The following GLIS3 variants were observed in gnomAD, a reference collection of about 807,000 sequenced individuals.
GLIS3 encodes the protein zinc finger protein GLIS3.
GLIS3 carries 53 observed loss-of-function variants against 78.6 expected under a neutral mutation model. The ratio of observed to expected loss-of-function variants is 0.67; its 90% CI spans 0.54 to 0.85. The LOEUF is 0.85. Ranked by LOEUF, GLIS3 falls within the 40% of genes least tolerant of loss-of-function variation. GLIS3 has a pLI of 0.00. For missense variants in GLIS3, 1,703 were observed against 1,231.1 expected (o/e 1.38, Z -5.74); for synonymous variants, 684 against 509.9 (o/e 1.34, Z -4.60).
At chr9:4,401,336 A>G in the GLIS3 span, among the ~76,000 whole-genome samples, 1 of 144,630 alleles carries the variant, frequency 6.9e-6, no homozygotes, top group African/African-American at 2.6e-5. Context: ...CTCAGCTCAC[A>G]GCAACCTCTG....
At chr9:3,842,448 G>A (rs966297009) in intron 9 of GLIS3, among the ~76,000 whole-genome samples, 1 of 152,170 alleles carries the variant, frequency 6.6e-6, no homozygotes, top group Admixed American at 6.5e-5. Context: ...GTCTAGCCTG[G>A]GGGTCAAAGC....
chr9:3,843,346 G>C (rs1818838077), intron 9 of GLIS3, among the ~76,000 whole-genome samples: 1 of 152,140 alleles, frequency 6.6e-6, no homozygotes, highest in East Asian at 1.9e-4. Flanking sequence ...TCATAGCTGA[G>C]TCTCTATTAT....
At position 4,239,555 on chromosome 9, in the gene GLIS3, TGGTATCAA is replaced by T. The variant is rs1823102004; in HGVS notation, c.388+46475_388+46482del. Among the ~76,000 whole-genome samples the T allele has an allele frequency of 2.0e-5, 3 of 152,312 alleles. No homozygotes were observed. The South Asian group carries it at 6.2e-4, about 32-fold the overall frequency. On this transcript the variant is annotated intron_variant, in intron 2 of 10. Transcript: ENST00000381971. ...CCCAACACATCAGTCATTGAGATCT[TGGTATCAA>T]GGTTGAGAACCACCATACTGATGTG...
intron 4 of GLIS3, among the ~76,000 whole-genome samples, chr9:4,074,903 T>C (rs1196694509): frequency 1.3e-5 from 2 of 152,188 alleles, no homozygotes; most frequent in African/African-American, 4.8e-5. Flanking sequence ...ACCATGATCT[T>C]CTTTCTTCTC....
At chr9:4,050,052 G>T (rs932566653) in intron 4 of GLIS3, among the ~76,000 whole-genome samples, 20 of 152,226 alleles carry the variant, frequency 1.3e-4, no homozygotes, top group Middle Eastern at 6.8e-3. Context: ...ATTCCTCAGG[G>T]ATCTAGAACT....
intron 6 of GLIS3, among the ~76,000 whole-genome samples, chr9:3,924,399 G>A (rs1170376232): frequency 6.6e-6 from 1 of 152,182 alleles, no homozygotes; most frequent in Non-Finnish European, 1.5e-5. Flanking sequence ...GGAAAAACCA[G>A]GGGAATGTAA....
At chr9:4,038,996 G>A (rs768784502) in intron 4 of GLIS3, among the ~76,000 whole-genome samples, 25 of 152,162 alleles carry the variant, frequency 1.6e-4, no homozygotes, top group Non-Finnish European at 2.4e-4. Context: ...GGGTAAAGCT[G>A]AGCAGCTTGC....
chr9:4,272,488 C>G (rs945395852), intron 2 of GLIS3, among the ~76,000 whole-genome samples: 2 of 152,130 alleles, frequency 1.3e-5, no homozygotes, highest in African/African-American at 4.8e-5. Flanking sequence ...GCCGGGTGTG[C>G]TTGGGCAAGT....
chr9:3,992,562 A>C (rs1382935625), intron 4 of GLIS3, among the ~76,000 whole-genome samples: 1 of 152,224 alleles, frequency 6.6e-6, no homozygotes, highest in Non-Finnish European at 1.5e-5. Context: ...TTATTCCCAG[A>C]AACTCAATAT....
intron 4 of GLIS3, among the ~76,000 whole-genome samples, chr9:4,066,480 C>T (rs1410988875): frequency 1.3e-5 from 2 of 152,196 alleles, no homozygotes; most frequent in African/African-American, 4.8e-5. Flanking sequence ...GAGAAGCTCC[C>T]TGCCACTGCT....
intron 2 of GLIS3, among the ~76,000 whole-genome samples, chr9:4,169,341 C>T (rs766658744): frequency 9.9e-5 from 15 of 152,164 alleles, no homozygotes; most frequent in Non-Finnish European, 1.5e-4. Flanking sequence ...AAGAAGTATA[C>T]GAAGGCTTTC....
chr9:4,333,228 A>G (rs1427341079), intron 2 of GLIS3, among the ~76,000 whole-genome samples: 1 of 150,178 alleles, frequency 6.7e-6, no homozygotes, highest in African/African-American at 2.5e-5. Context: ...AGGGAAGGGA[A>G]GGAAAAGTGG....
At chr9:4,431,998 T>C in the GLIS3 span, among the ~76,000 whole-genome samples, 4 of 152,198 alleles carry the variant, frequency 2.6e-5, no homozygotes, top group Non-Finnish European at 5.9e-5. Flanking sequence ...AGTAAAACTT[T>C]TTTTACAAAA....
At position 3,826,266 on chromosome 9, in the gene GLIS3, T is replaced by G. The variant is rs185501078; in HGVS notation, c.*2006A>C. 157 of 152,350 alleles carry G rather than the reference T, an allele frequency of 1.0e-3. 1 individual carries two copies. Among genetic ancestry groups the G allele is most frequent in the African/African-American group, 3.7e-3 (155 of 41,572 alleles). 9.4% of individuals were successfully genotyped at this position (152,350 alleles called of 1,614,324 possible). A position where few individuals can be genotyped will look rare whatever the true frequency, so the allele number is the denominator to read the frequency against. On this transcript the variant is annotated 3_prime_UTR_variant, in exon 11 of 11. Transcript: ENST00000381971. ...TATGAATAGATGGTTTCTCTGAAGATAGCAGAGTTTTTTTCTTTCCAGAGT... is the reference window on the plus strand; with the variant it reads ...TATGAATAGATGGTTTCTCTGAAGAGAGCAGAGTTTTTTTCTTTCCAGAGT...
At chr9:3,853,567 C>CT (rs1234122967) in intron 9 of GLIS3, among the ~76,000 whole-genome samples, 3 of 152,182 alleles carry the variant, frequency 2.0e-5, no homozygotes, top group African/African-American at 7.2e-5. Flanking sequence ...GTGCCAGGTG[C>CT]TTTTTTTGTC....
chr9:4,079,324 A>T (rs573479916), intron 4 of GLIS3, among the ~76,000 whole-genome samples: 25 of 152,342 alleles, frequency 1.6e-4, no homozygotes, highest in African/African-American at 5.8e-4. Context: ...TCACAGGCTT[A>T]AGATCCTAGT....
At chr9:4,157,659 A>G (rs891623622) in intron 2 of GLIS3, among the ~76,000 whole-genome samples, 2 of 152,156 alleles carry the variant, frequency 1.3e-5, no homozygotes, top group Non-Finnish European at 2.9e-5. Context: ...TATTCAATCC[A>G]CATTTGCAGG....
chr9:4,478,229 G>A, the GLIS3 span, among the ~76,000 whole-genome samples: 5 of 152,282 alleles, frequency 3.3e-5, no homozygotes, highest in South Asian at 6.2e-4. Context: ...TGATTTGAGC[G>A]TGGGAAAGGA....
At chr9:4,452,378 A>C in the GLIS3 span, among the ~76,000 whole-genome samples, 4 of 152,330 alleles carry the variant, frequency 2.6e-5, no homozygotes, top group African/African-American at 4.8e-5. Context: ...ACAGGAAGTC[A>C]AAATGTCTCT....
Sources: gnomAD v4.1 joint callset for allele counts (sites outside exome capture counted in the v4.1 genomes callset) on GRCh38, gnomAD v4.1.1 for gene constraint, MANE v1.5 for transcripts, NCBI Gene and HGNC (gene_info 2026-07-23, HGNC 2026-07-21) for gene names.